The following ZNF232 variants were observed in gnomAD, a reference collection of about 807,000 sequenced individuals.
The protein encoded by ZNF232 is zinc finger and SCAN domain-containing protein 11.
A neutral mutation model predicts 25.2 loss-of-function variants in ZNF232; 25 were observed. The ratio of observed to expected loss-of-function variants is 0.99; its 90% CI spans 0.72 to 1.39. ZNF232 has a LOEUF of 1.39. ZNF232 is among the 40% of genes most tolerant of loss of function. The pLI is 0.00. For synonymous variants in ZNF232, 193 were observed against 182.9 expected, an observed-to-expected ratio of 1.06 and a Z score of -0.45; for missense variants, 519 against 520.9, an observed-to-expected ratio of 1.00 and a Z score of 0.04.
chr17:5,109,890 T>C, intron 1 of ZNF232, 22 bp from the exon 2 acceptor site: 1 of 1,556,710 alleles, frequency 6.4e-7, no homozygotes, highest in Non-Finnish European at 8.6e-7. Context: ...GAAGAAATCA[T>C]TCCTCTTTTT....
At chr17:5,120,332 C>T (rs191881880) in intron 1 of ZNF232, among the ~76,000 whole-genome samples, 49 of 152,190 alleles carry the variant, frequency 3.2e-4, no homozygotes, top group African/African-American at 1.1e-3. Context: ...TGTGGTCATC[C>T]TCCACTGTGC....
chr17:5,120,514 T>C, intron 1 of ZNF232: 1 of 340,186 alleles, frequency 2.9e-6, no homozygotes, highest in Non-Finnish European at 5.7e-6. Context: ...TATCTGTGTC[T>C]GTCTGTCTGT....
chr17:5,121,343 C>T, intron 1 of ZNF232: 1 of 344,734 alleles, frequency 2.9e-6, no homozygotes, highest in Admixed American at 4.0e-5. Flanking sequence ...TGAAAATCTC[C>T]TGAAACCCCT....
intron 1 of ZNF232, among the ~76,000 whole-genome samples, chr17:5,117,095 C>T (rs1419856241): frequency 6.6e-6 from 1 of 152,212 alleles, no homozygotes; most frequent in Non-Finnish European, 1.5e-5. Flanking sequence ...TCCTTTTTGG[C>T]ACTTATGGTT....
intron 1 of ZNF232, among the ~76,000 whole-genome samples, chr17:5,120,464 C>T (rs183657968): frequency 2.7e-3 from 409 of 152,254 alleles, no homozygotes; most frequent in Non-Finnish European, 4.8e-3. Context: ...TGAGTAATGA[C>T]AATATCCACC....
chr17:5,115,290 G>A (rs976521239), upstream of ZNF232, among the ~76,000 whole-genome samples: 1 of 152,114 alleles, frequency 6.6e-6, no homozygotes, highest in African/African-American at 2.4e-5. Context: ...GGTGGGTCGT[G>A]CCTGTAATTC....
Position 5,109,789 on chromosome 17 carries a change from C to G in ZNF232, c.103G>C (p.Ala35Pro), listed in dbSNP as rs768360707. 23 of 1,614,076 alleles carry G rather than the reference C, an allele frequency of 1.4e-5. No homozygotes were observed. In the East Asian group the frequency reaches 5.1e-4, roughly 36 times the overall value. The change falls in exon 2 of 4, where the codon GCT (alanine) becomes CCT (proline). Residue 35 changes from alanine to proline, a missense_variant. Physicochemically the swap from Ala to Pro is conservative, Grantham distance 27. Transcript: ENST00000575898. The stretch of plus-strand genomic sequence containing the variant: ...GTACCCTGAAGGGCCAGAGTTTCAG[C>G]TGCTGTTAGTGATACAGCCATCCTA...
chr17:5,112,607 A>G (rs368061512), upstream of ZNF232, among the ~76,000 whole-genome samples: 1,543 of 141,058 alleles, frequency 0.011, 22 homozygotes, highest in South Asian at 0.053. Flanking sequence ...GCCCGCCACC[A>G]CGCCCGGCTA....
chr17:5,116,232 T>G (rs985265644), upstream of ZNF232, among the ~76,000 whole-genome samples: 1 of 137,822 alleles, frequency 7.3e-6, no homozygotes, highest in African/African-American at 2.5e-5. Context: ...TTGAGAGGAC[T>G]TCCCGCCTGC....
chr17:5,107,775 TC>T (rs2072297355), intron 3 of ZNF232, among the ~76,000 whole-genome samples: 1 of 152,172 alleles, frequency 6.6e-6, no homozygotes, highest in Non-Finnish European at 1.5e-5. Context: ...ACCCAAGTGA[TC>T]CACCTGCCTT....
At chr17:5,115,435 C>T (rs1001212803), upstream of ZNF232, among the ~76,000 whole-genome samples, 7 of 152,056 alleles carry the variant, frequency 4.6e-5, no homozygotes, top group African/African-American at 1.7e-4. Flanking sequence ...CCTGTAATCC[C>T]AGCTACTCGG....
chr17:5,119,135 C>T (rs916532484), intron 1 of ZNF232, among the ~76,000 whole-genome samples: 4 of 152,172 alleles, frequency 2.6e-5, no homozygotes, highest in African/African-American at 9.7e-5. Flanking sequence ...TCCTAAGCCA[C>T]ACTCCAATCA....
chr17:5,111,725 A>C, intron 1 of ZNF232, 75 bp downstream of exon 1: 1 of 1,610,286 alleles, frequency 6.2e-7, no homozygotes, highest in Non-Finnish European at 8.5e-7. Context: ...CTCACTGCAG[A>C]GCCGCCGCTG....
chr17:5,114,777 C>T, upstream of ZNF232: 1 of 152,362 alleles, frequency 6.6e-6, no homozygotes, highest in Non-Finnish European at 1.5e-5. Flanking sequence ...TTGCAGTGAG[C>T]CGAGATCGGG....
chr17:5,117,221 T>C (rs749190684), intron 1 of ZNF232, among the ~76,000 whole-genome samples: 3 of 152,144 alleles, frequency 2.0e-5, no homozygotes, highest in Non-Finnish European at 2.9e-5. Context: ...TTAACACATA[T>C]TAAAAGCTCG....
At chr17:5,122,428 C>G (rs2072707783) in intron 1 of ZNF232, among the ~76,000 whole-genome samples, 1 of 152,312 alleles carries the variant, frequency 6.6e-6, no homozygotes, top group Admixed American at 6.5e-5. Flanking sequence ...ATCCTGGAGT[C>G]TCCATGCTTA....
chr17:5,110,882 A>G (rs2072389696), intron 1 of ZNF232, among the ~76,000 whole-genome samples: 1 of 152,174 alleles, frequency 6.6e-6, no homozygotes, highest in Non-Finnish European at 1.5e-5. Context: ...CTTCAATTTA[A>G]TGGGGAGAAA....
At chr17:5,115,051 G>A (rs1040439492), upstream of ZNF232, 3 of 152,182 alleles carry the variant, frequency 2.0e-5, no homozygotes, top group Admixed American at 6.5e-5. Context: ...TAAGACAGAG[G>A]AAAACTGGGG....
At chr17:5,109,357 A>C (rs2072338782) in intron 2 of ZNF232, 37 bp downstream of exon 2, 1 of 1,611,842 alleles carries the variant, frequency 6.2e-7, no homozygotes, top group African/African-American at 1.3e-5. Context: ...AAGGTCATCA[A>C]TCTGGCTCCC....
Sources: gnomAD v4.1 joint callset for allele counts (sites outside exome capture counted in the v4.1 genomes callset) on GRCh38, gnomAD v4.1.1 for gene constraint, MANE v1.5 for transcripts, NCBI Gene and HGNC (gene_info 2026-07-23, HGNC 2026-07-21) for gene names.